TET2: variants seen among roughly 807,000 people sequenced by gnomAD.
TET2 encodes tet methylcytosine dioxygenase 2, also known as methylcytosine dioxygenase TET2.
TET2 carries 299 observed loss-of-function variants against 142.9 expected under a neutral mutation model. The ratio of observed to expected loss-of-function variants is 2.09; its 90% CI spans 1.90 to 2.30. The LOEUF is 2.30. Ranked by LOEUF, TET2 falls within the 30% of genes most tolerant of loss-of-function variation. The pLI, the probability that TET2 is intolerant of heterozygous loss-of-function variation, is 0.00. For missense variants in TET2, 2,418 were observed against 2,378.0 expected (o/e 1.02, Z -0.35); for synonymous variants, 819 against 849.0 (o/e 0.96, Z 0.61).
intron 6 of TET2, among the ~76,000 whole-genome samples, chr4:105,248,828 CCTCT>C (rs1404729852): frequency 6.6e-6 from 1 of 152,054 alleles, no homozygotes; most frequent in Non-Finnish European, 1.5e-5. Flanking sequence ...CTTCTTCCTT[CCTCT>C]AAGTGGCAAC....
At chr4:105,246,018 C>T (rs994510597) in intron 6 of TET2, among the ~76,000 whole-genome samples, 1 of 152,190 alleles carries the variant, frequency 6.6e-6, no homozygotes, top group Non-Finnish European at 1.5e-5. Flanking sequence ...ACAACCTCCA[C>T]CTCCCGGGTT....
intron 6 of TET2, among the ~76,000 whole-genome samples, chr4:105,254,132 T>G (rs1483864764): frequency 6.6e-6 from 1 of 152,174 alleles, no homozygotes; most frequent in Non-Finnish European, 1.5e-5. Context: ...AATGCTGCCC[T>G]CATAGAATAA....
At chr4:105,231,584 T>C (rs1728505940) in intron 2 of TET2, among the ~76,000 whole-genome samples, 1 of 152,192 alleles carries the variant, frequency 6.6e-6, no homozygotes, top group Non-Finnish European at 1.5e-5. Context: ...GGTTGACCAG[T>C]ATATAATCTT....
At chr4:105,256,710 G>A (rs1730152079) in intron 6 of TET2, among the ~76,000 whole-genome samples, 2 of 151,850 alleles carry the variant, frequency 1.3e-5, no homozygotes, top group African/African-American at 4.8e-5. Context: ...CCTCTACTTT[G>A]GGGACCTGCA....
intron 6 of TET2, among the ~76,000 whole-genome samples, chr4:105,249,254 G>A (rs879896973): frequency 6.6e-6 from 1 of 151,958 alleles, no homozygotes. Context: ...CTCAAACTCA[G>A]CCTCAAGTGA....
chr4:105,150,754 C>G lies in TET2; in HGVS notation c.-193+3775C>G, dbSNP rs76767888. On this transcript the variant is annotated intron_variant, in intron 1 of 10. Transcript: ENST00000380013. Reference sequence around the variant, plus strand: ...GATCTCCAATTTCTATTTCTACTCACTGCCAAAACTGAGTGAATACTGTGA... The same window carrying G: ...GATCTCCAATTTCTATTTCTACTCAGTGCCAAAACTGAGTGAATACTGTGA... Among the ~76,000 whole-genome samples, 158 of 152,280 alleles carry G rather than the reference C, an allele frequency of 1.0e-3. 1 individual carries two copies. Among genetic ancestry groups the G allele is most frequent in the African/African-American group, 3.4e-3 (142 of 41,552 alleles).
chr4:105,157,347 A>G (rs1424257014), intron 1 of TET2, among the ~76,000 whole-genome samples: 1 of 152,182 alleles, frequency 6.6e-6, no homozygotes, highest in Admixed American at 6.5e-5. Flanking sequence ...TTATTTTAGT[A>G]CAAACAGATA....
intron 6 of TET2, among the ~76,000 whole-genome samples, chr4:105,252,365 G>A (rs775461448): frequency 6.6e-6 from 1 of 152,078 alleles, no homozygotes; most frequent in Non-Finnish European, 1.5e-5. Flanking sequence ...TTTCTTTTCA[G>A]CATTGAATAA....
rs1730855946 is a variant in TET2, at chr4:105,269,675, G to A, written c.4110G>A (p.Gly1370=). 6.4e-7 allele frequency: 1 copy of A among 1,551,568 alleles called. No individual in the cohort carries two copies. Among genetic ancestry groups the A allele is most frequent in the Non-Finnish European group, 8.7e-7 (1 of 1,146,928 alleles). ...TGAAGGAAGGCCGTCCATTCTCAGG[G>A]GTCACTGCATGTTTGGACTTCTGTG... ...LGLKEGRPFS[G]VTACLDFCAH... Residue 1370 remains glycine (G), a synonymous_variant, in exon 9 of 11, where the codon GGG becomes GGA. Coordinates refer to ENST00000380013, the MANE Select transcript of TET2 (RefSeq NM_001127208.3).
intron 1 of TET2, chr4:105,147,474 G>C (rs1215501053): frequency 6.6e-6 from 1 of 152,334 alleles, no homozygotes; most frequent in East Asian, 1.9e-4. Context: ...GTAGGGTCTG[G>C]GTCTGGGTTT....
At chr4:105,232,711 G>A (rs1055584114) in intron 2 of TET2, among the ~76,000 whole-genome samples, 1 of 152,212 alleles carries the variant, frequency 6.6e-6, no homozygotes, top group Admixed American at 6.5e-5. Context: ...TAAACTGTAA[G>A]AGAGAGTAGG....
At chr4:105,195,139 T>A (rs187398320) in intron 2 of TET2, among the ~76,000 whole-genome samples, 3 of 152,202 alleles carry the variant, frequency 2.0e-5, no homozygotes, top group Non-Finnish European at 4.4e-5. Flanking sequence ...AGACTGCACC[T>A]TATGAAAGTC....
intron 2 of TET2, among the ~76,000 whole-genome samples, chr4:105,201,050 C>A (rs1726432709): frequency 6.6e-6 from 1 of 152,102 alleles, no homozygotes; most frequent in Non-Finnish European, 1.5e-5. Context: ...AATTTATGTT[C>A]TTGAGATTAT....
chr4:105,234,838 A>T lies in TET2; in HGVS notation c.896A>T (p.Asp299Val). Residue 299 changes from aspartate (D) to valine (V), a missense_variant, in exon 3 of 11, where the codon GAT becomes GTT. Physicochemically the swap from Asp to Val is radical, Grantham distance 152 (BLOSUM62 -3). Coordinates refer to ENST00000380013, the MANE Select transcript of TET2 (RefSeq NM_001127208.3). The part of the protein sequence containing the change: ...AAVVSEACDA[D>V]DADNASKLAA... ...GTGGTGAGTGAGGCCTGTGATGCTG[A>T]TGATGCTGATAATGCCAGTAAACTA... is the stretch of plus-strand genomic sequence containing the variant. 2 of 1,614,044 alleles carry T rather than the reference A, an allele frequency of 1.2e-6. No individual in the cohort carries two copies. The highest frequency in any genetic ancestry group is 1.7e-6 in the Non-Finnish European group (2 of 1,180,008).
At chr4:105,184,818 G>A (rs549231076) in intron 1 of TET2, among the ~76,000 whole-genome samples, 1 of 152,224 alleles carries the variant, frequency 6.6e-6, no homozygotes, top group East Asian at 1.9e-4. Flanking sequence ...GTAACGTGCT[G>A]ATTAGTGAAC....
intron 5 of TET2, 78 bp downstream of exon 5, chr4:105,243,005 T>G: frequency 1.4e-5 from 17 of 1,184,520 alleles, no homozygotes; most frequent in African/African-American, 3.1e-5. Flanking sequence ...AGAATTGGGT[T>G]ACCCAGATCA....
At chr4:105,198,576 C>T (rs1224561085) in intron 2 of TET2, among the ~76,000 whole-genome samples, 1 of 152,058 alleles carries the variant, frequency 6.6e-6, no homozygotes, top group Non-Finnish European at 1.5e-5. Flanking sequence ...GAGAAAGAAG[C>T]AGTAGCCAGA....
intron 1 of TET2, among the ~76,000 whole-genome samples, chr4:105,178,509 AT>A (rs1358527691): frequency 6.6e-6 from 1 of 152,182 alleles, no homozygotes; most frequent in Admixed American, 6.5e-5. Context: ...GTCATTATAC[AT>A]TTGTCCAAAC....
chr4:105,151,426 C>T (rs72665914), intron 1 of TET2, among the ~76,000 whole-genome samples: 16,743 of 151,172 alleles, frequency 0.11, 1,192 homozygotes, highest in Non-Finnish European at 0.16. Flanking sequence ...TGTCATACTT[C>T]AAAAAGAAGA....
Sources: allele counts gnomAD v4.1 joint callset (sites outside exome capture counted in the v4.1 genomes callset), GRCh38; gene constraint gnomAD v4.1.1; transcripts MANE v1.5; gene names NCBI Gene and HGNC (gene_info 2026-07-23, HGNC 2026-07-21).